NTNG1: variants seen among roughly 807,000 people sequenced by gnomAD.
NTNG1 encodes netrin-G1.
A neutral mutation model predicts 54.0 loss-of-function variants in NTNG1; 16 were observed. The ratio of observed to expected loss-of-function variants is 0.30; its 90% confidence interval spans 0.20 to 0.45. The LOEUF is 0.45. Among genes scored for constraint, NTNG1 ranks in the 20% least tolerant of loss-of-function variants. The pLI, the probability that NTNG1 is intolerant of heterozygous loss-of-function variation, is 1.00. For synonymous variants in NTNG1, 255 were observed against 263.1 expected (o/e 0.97, Z 0.30); for missense variants, 530 against 678.7 (o/e 0.78, Z 2.43).
At chr1:107,435,021 T>C (rs1159755200) in intron 6 of NTNG1, among the ~76,000 whole-genome samples, 2 of 152,172 alleles carry the variant, frequency 1.3e-5, no homozygotes, top group African/African-American at 4.8e-5. Flanking sequence ...TTTGTTTAAT[T>C]TTGTTTACAT....
intron 2 of NTNG1, among the ~76,000 whole-genome samples, chr1:107,168,838 CA>C (rs897734669): frequency 3.9e-5 from 6 of 152,084 alleles, no homozygotes; most frequent in Admixed American, 6.6e-5. Context: ...GAGCTGATGA[CA>C]TTTTGAAAAA....
chr1:107,298,182 C>T (rs761968155), intron 2 of NTNG1, among the ~76,000 whole-genome samples: 3 of 151,944 alleles, frequency 2.0e-5, no homozygotes, highest in Non-Finnish European at 4.4e-5. Context: ...ATAAAAAGAC[C>T]CCAAAATATT....
intron 3 of NTNG1, among the ~76,000 whole-genome samples, chr1:107,383,033 A>G (rs1671743065): frequency 6.6e-6 from 1 of 152,242 alleles, no homozygotes; most frequent in South Asian, 2.1e-4. Flanking sequence ...AAAGTATGGA[A>G]TAAAGTTGCT....
intron 2 of NTNG1, among the ~76,000 whole-genome samples, chr1:107,151,353 T>G (rs565423561): frequency 6.6e-6 from 1 of 152,130 alleles, no homozygotes; most frequent in South Asian, 2.1e-4. Context: ...CCTGTTTAGG[T>G]ACTCCTTAGC....
intron 5 of NTNG1, chr1:107,409,640 T>C (rs932529216): frequency 2.0e-5 from 3 of 152,120 alleles, no homozygotes; most frequent in Admixed American, 6.6e-5. Flanking sequence ...GAAAATTTAC[T>C]CCTAATAAAA....
chr1:107,463,021 C>T (rs925661196), intron 7 of NTNG1, among the ~76,000 whole-genome samples: 1 of 152,206 alleles, frequency 6.6e-6, no homozygotes, highest in African/African-American at 2.4e-5. Context: ...TACCAGCCTA[C>T]CTCCAATGGA....
chr1:107,356,578 G>C (rs1570753632), intron 3 of NTNG1, among the ~76,000 whole-genome samples: 1 of 152,100 alleles, frequency 6.6e-6, no homozygotes, highest in African/African-American at 2.4e-5. Context: ...ACAGGTGTGA[G>C]CCACCATGCC....
At chr1:107,229,410 G>C (rs1194183802) in intron 2 of NTNG1, among the ~76,000 whole-genome samples, 1 of 151,092 alleles carries the variant, frequency 6.6e-6, no homozygotes, top group African/African-American at 2.4e-5. Context: ...AAGTGCAAAA[G>C]CTGGAATGAG....
intron 2 of NTNG1, among the ~76,000 whole-genome samples, chr1:107,151,171 T>C (rs1011730335): frequency 6.6e-6 from 1 of 152,232 alleles, no homozygotes; most frequent in South Asian, 2.1e-4. Context: ...TAATCTATCC[T>C]TTAAATATAT....
chr1:107,195,983 C>T (rs1218499360), intron 2 of NTNG1, among the ~76,000 whole-genome samples: 1 of 145,740 alleles, frequency 6.9e-6, no homozygotes, highest in East Asian at 1.9e-4. Flanking sequence ...ATTGATCTCC[C>T]CTCCTAGAAT....
At chr1:107,350,281 C>G (rs1000169499) in intron 3 of NTNG1, among the ~76,000 whole-genome samples, 13 of 152,040 alleles carry the variant, frequency 8.6e-5, no homozygotes, top group African/African-American at 2.2e-4. Context: ...AATCAGGATT[C>G]TAATTCTTCA....
At chr1:107,369,309 T>C (rs773648820) in intron 3 of NTNG1, among the ~76,000 whole-genome samples, 4 of 152,178 alleles carry the variant, frequency 2.6e-5, no homozygotes, top group Admixed American at 6.5e-5. Context: ...TTTAACTCTT[T>C]AAGAAACTGT....
At chr1:107,259,139 CCATTATGATTGTAAGTACTT>C (rs1403045401) in intron 2 of NTNG1, among the ~76,000 whole-genome samples, 1 of 151,988 alleles carries the variant, frequency 6.6e-6, no homozygotes, top group Non-Finnish European at 1.5e-5. Context: ...AATCATAAAA[CCATTATGATTGTAAGTACTT>C]TATTATTCCA....
At position 107,318,798 on chromosome 1, in the gene NTNG1, T is replaced by A. The variant is rs561179203; in HGVS notation, c.247-5484T>A. Reference sequence around the variant, plus strand: ...GTACTGTTGCTGTATGCATACCACATGTTGGTACCCAGCATACCAGTTAAC... The same window carrying A: ...GTACTGTTGCTGTATGCATACCACAAGTTGGTACCCAGCATACCAGTTAAC... On this transcript the variant is annotated intron_variant, in intron 2 of 7. Transcript: ENST00000370068. 3.9e-5 allele frequency among the ~76,000 whole-genome samples: 6 copies of A among 152,260 alleles called. No homozygotes were observed. In the South Asian group the frequency reaches 1.0e-3, roughly 26 times the overall value.
intron 5 of NTNG1, among the ~76,000 whole-genome samples, chr1:107,419,607 T>C (rs17530839): frequency 2.1e-5 from 3 of 141,642 alleles, no homozygotes; most frequent in Non-Finnish European, 3.1e-5. Context: ...TGTATTATTT[T>C]GCCTTCTTCC....
intron 2 of NTNG1, among the ~76,000 whole-genome samples, chr1:107,154,362 T>C (rs921977927): frequency 4.0e-5 from 6 of 151,864 alleles, no homozygotes; most frequent in Admixed American, 2.0e-4. Flanking sequence ...CCCAGCACTT[T>C]GAGAGGCTGA....
chr1:107,389,604 A>T (rs928129690), intron 3 of NTNG1, among the ~76,000 whole-genome samples: 1 of 152,204 alleles, frequency 6.6e-6, no homozygotes, highest in Non-Finnish European at 1.5e-5. Context: ...TAAAGTTTGC[A>T]TCACAGACTA....
At chr1:107,185,785 A>G (rs968975826) in intron 2 of NTNG1, among the ~76,000 whole-genome samples, 6 of 152,176 alleles carry the variant, frequency 3.9e-5, no homozygotes, top group Admixed American at 1.3e-4. Flanking sequence ...TTGTGGAGCA[A>G]TATGCGGCCT....
intron 2 of NTNG1, among the ~76,000 whole-genome samples, chr1:107,149,607 A>C (rs1282299477): frequency 2.0e-5 from 3 of 152,160 alleles, no homozygotes; most frequent in Non-Finnish European, 4.4e-5. Context: ...TTCTGCATAG[A>C]AAGTTAAATA....
Sources: gnomAD v4.1 joint callset for allele counts (sites outside exome capture counted in the v4.1 genomes callset) on GRCh38, gnomAD v4.1.1 for gene constraint, MANE v1.5 for transcripts, NCBI Gene and HGNC (gene_info 2026-07-23, HGNC 2026-07-21) for gene names.